SLC25A12: variants seen among roughly 807,000 people sequenced by gnomAD.
The protein encoded by SLC25A12 is electrogenic aspartate/glutamate antiporter SLC25A12, mitochondrial.
SLC25A12 carries 32 observed loss-of-function variants against 83.3 expected under a neutral mutation model. The ratio of observed to expected loss-of-function variants is 0.38; its 90% CI spans 0.29 to 0.52. The LOEUF is 0.52. Ranked by LOEUF, SLC25A12 falls within the 20% of genes least tolerant of loss-of-function variation. The pLI, the probability that SLC25A12 is intolerant of heterozygous loss-of-function variation, is 0.84. For synonymous variants in SLC25A12, 267 were observed against 291.1 expected (o/e 0.92, Z 0.84); for missense variants, 611 against 835.6 (o/e 0.73, Z 3.31).
intron 3 of SLC25A12, among the ~76,000 whole-genome samples, chr2:171,862,098 T>TA: frequency 6.6e-6 from 1 of 152,282 alleles, no homozygotes; most frequent in East Asian, 1.9e-4. Context: ...GATTTCTGCA[T>TA]AAAAGGTTCC....
At chr2:171,856,464 C>G (rs1469082659) in intron 3 of SLC25A12, 1 of 154,254 alleles carries the variant, frequency 6.5e-6, no homozygotes, top group Non-Finnish European at 1.4e-5. Context: ...GAACTATTCA[C>G]TAATTTACAG....
intron 9 of SLC25A12, among the ~76,000 whole-genome samples, chr2:171,824,563 T>G (rs1030761050): frequency 2.6e-5 from 4 of 152,316 alleles, no homozygotes; most frequent in African/African-American, 9.6e-5. Flanking sequence ...ATATCTTCTT[T>G]TGAAATGCAA....
intron 3 of SLC25A12, among the ~76,000 whole-genome samples, chr2:171,859,253 C>T (rs1378195296): frequency 2.0e-5 from 3 of 152,132 alleles, no homozygotes; most frequent in South Asian, 2.1e-4. Context: ...TCAGATATAT[C>T]ACGAGATATA....
intron 5 of SLC25A12, among the ~76,000 whole-genome samples, chr2:171,842,384 G>A (rs1217907403): frequency 1.3e-5 from 2 of 152,056 alleles, no homozygotes; most frequent in Non-Finnish European, 2.9e-5. Context: ...CCTGAGGTCA[G>A]GAGTTCGAGA....
chr2:171,884,254 G>A (rs1184961282), intron 2 of SLC25A12, among the ~76,000 whole-genome samples: 7 of 148,236 alleles, frequency 4.7e-5, no homozygotes, highest in African/African-American at 1.5e-4. Context: ...GCAATGACAC[G>A]ATCTCGGCTC....
intron 3 of SLC25A12, among the ~76,000 whole-genome samples, chr2:171,866,025 T>C (rs1242282068): frequency 5.8e-5 from 8 of 138,090 alleles, no homozygotes; most frequent in Non-Finnish European, 1.1e-4. Context: ...GTACTTGAGA[T>C]TAGGGAGTGG....
Position 171,894,182 on chromosome 2 carries a change from G to T in SLC25A12, c.12+21C>A, listed in dbSNP as rs750586692. On this transcript the variant is annotated intron_variant, in intron 1 of 17. Coordinates refer to ENST00000422440, the MANE Select transcript of SLC25A12 (RefSeq NM_003705.5). ...GAATGTCTCTTATGCAATAAAAGCA[G>T]CAGCAGAGAGTTGGAGTCACCTTGA... 2.6e-5 allele frequency: 42 copies of T among 1,606,732 alleles called. No individual in the cohort carries two copies. The Admixed American group carries it at 7.1e-4, about 27-fold the overall frequency.
chr2:171,835,812 C>G (rs568524375), intron 6 of SLC25A12, among the ~76,000 whole-genome samples: 1 of 151,536 alleles, frequency 6.6e-6, no homozygotes, highest in Non-Finnish European at 1.5e-5. Flanking sequence ...ACACACATGC[C>G]TTAACCTAAA....
chr2:171,886,561 G>C (rs973698327), intron 2 of SLC25A12, among the ~76,000 whole-genome samples: 6 of 151,160 alleles, frequency 4.0e-5, no homozygotes, highest in African/African-American at 1.5e-4. Flanking sequence ...CCAGGCTGGA[G>C]TGCAGTGGCG....
chr2:171,805,185 T>C (rs1388278210), intron 13 of SLC25A12, among the ~76,000 whole-genome samples: 2 of 151,846 alleles, frequency 1.3e-5, no homozygotes, highest in Admixed American at 6.6e-5. Flanking sequence ...CACAGCTCAC[T>C]GCAACCTCCA....
intron 2 of SLC25A12, among the ~76,000 whole-genome samples, chr2:171,892,604 C>G (rs1369815216): frequency 6.6e-6 from 1 of 152,092 alleles, no homozygotes; most frequent in Non-Finnish European, 1.5e-5. Flanking sequence ...AAAAACTAAG[C>G]CAACCTTTTT....
chr2:171,785,041 C>T lies in SLC25A12; in HGVS notation c.*233G>A, dbSNP rs1690461100. On this transcript the variant is annotated 3_prime_UTR_variant, in exon 18 of 18. Coordinates refer to ENST00000422440, the MANE Select transcript of SLC25A12 (RefSeq NM_003705.5). ...CAGAGTCTAGAACACTAATTCATGC[C>T]AAGGCTTACAAAAACATTTCAACAC... 1 of 482,652 alleles carries T rather than the reference C, an allele frequency of 2.1e-6. No homozygotes were observed. The highest frequency in any genetic ancestry group is 2.0e-5 in the African/African-American group (1 of 51,034). The allele number at this position is 482,652 out of a possible 1,614,324, so 29.9% of individuals were successfully genotyped here.
At chr2:171,880,360 G>A (rs921195399) in intron 2 of SLC25A12, among the ~76,000 whole-genome samples, 4 of 152,100 alleles carry the variant, frequency 2.6e-5, no homozygotes, top group Admixed American at 2.0e-4. Flanking sequence ...TTGGCTCACT[G>A]CAACCTCCAC....
intron 3 of SLC25A12, among the ~76,000 whole-genome samples, chr2:171,861,237 T>C (rs1032431226): frequency 1.3e-5 from 2 of 152,082 alleles, no homozygotes; most frequent in African/African-American, 4.8e-5. Flanking sequence ...CATAATAAAA[T>C]GTTGGGAGGA....
At position 171,834,845 on chromosome 2, in the gene SLC25A12, T is replaced by C. The variant is rs1262773967; in HGVS notation, c.633A>G (p.Ser211=). 2 of 1,613,310 alleles carry C rather than the reference T, an allele frequency of 1.2e-6. No homozygotes were observed. The highest frequency in any genetic ancestry group is 1.7e-6 in the Non-Finnish European group (2 of 1,179,358). ...TGAAGTAGGAGAAGCTAACCTGGTG[T>C]GAGATACTTCCTCCAGCTGCCTAGA... ...NLVSAAGGSI[S]HQVSFSYFNA... Residue 211 remains serine (S), a synonymous_variant, in exon 7 of 18, where the codon TCA becomes TCG. Transcript: ENST00000422440.
intron 3 of SLC25A12, chr2:171,856,717 C>T (rs1050460218): frequency 6.6e-6 from 1 of 150,932 alleles, no homozygotes; most frequent in African/African-American, 2.4e-5. Flanking sequence ...CAATGAATCA[C>T]AATATACATC....
chr2:171,817,419 T>C (rs1422503874), intron 9 of SLC25A12, among the ~76,000 whole-genome samples: 3 of 151,874 alleles, frequency 2.0e-5, no homozygotes, highest in African/African-American at 7.3e-5. Flanking sequence ...TTGGCCAACA[T>C]GGTGAAACCC....
intron 13 of SLC25A12, among the ~76,000 whole-genome samples, chr2:171,796,356 CAATT>C (rs1472282048): frequency 2.6e-5 from 4 of 152,182 alleles, no homozygotes; most frequent in African/African-American, 9.7e-5. Context: ...CCACAAAACT[CAATT>C]GATGTGCATT....
In SLC25A12 at chr2:171,844,413, G is replaced by T; in HGVS notation, c.421C>A (p.Arg141=). The T allele has an allele frequency of 6.2e-7, 1 of 1,613,924 alleles. No homozygotes were observed. The highest frequency in any genetic ancestry group is 8.5e-7 in the Non-Finnish European group (1 of 1,179,924). ...EFIRLHFGHN[R]KKHLNYTEFT... ...TCTGTGTAGTTAAGATGCTTCTTCC[G>T]GTTATGCCCAAAATGCAGTCGGATA... The change falls in exon 5 of 18, where the codon CGG becomes AGG. Residue 141 remains arginine (R), a synonymous_variant. Transcript: ENST00000422440.
Sources: gnomAD v4.1 joint callset for allele counts (sites outside exome capture counted in the v4.1 genomes callset) on GRCh38, gnomAD v4.1.1 for gene constraint, MANE v1.5 for transcripts, NCBI Gene and HGNC (gene_info 2026-07-23, HGNC 2026-07-21) for gene names.